SRRT: variants seen among roughly 807,000 people sequenced by gnomAD.
SRRT encodes the protein serrate, RNA effector molecule, also known as serrate RNA effector molecule homolog.
A neutral mutation model predicts 103.2 loss-of-function variants in SRRT; 32 were observed. That is an observed-to-expected ratio of 0.31 (90% CI 0.23 to 0.42). SRRT has a LOEUF of 0.42. Among genes scored for constraint, SRRT ranks in the 10% least tolerant of loss-of-function variants. SRRT has a pLI of 1.00. For synonymous variants in SRRT, 525 were observed against 449.0 expected (o/e 1.17, Z -2.14); for missense variants, 986 against 1,207.5 (o/e 0.82, Z 2.72).
At chr7:100,879,128 G>T (rs558976142) in intron 2 of SRRT, among the ~76,000 whole-genome samples, 21 of 151,906 alleles carry the variant, frequency 1.4e-4, no homozygotes, top group Non-Finnish European at 3.1e-4. Flanking sequence ...GCTAATTTTT[G>T]TGTATTTAGC....
chr7:100,881,754 G>T lies in SRRT; in HGVS notation c.347G>T (p.Gly116Val). The T allele has an allele frequency of 6.2e-7, 1 of 1,613,794 alleles. No individual in the cohort carries two copies. The highest frequency in any genetic ancestry group is 1.1e-5 in the South Asian group (1 of 91,084). ...ACTTATGGCCCCCCTCAGCCCTGGG[G>T]CCACCCTGACGTCCACATCATGCAG... Reference protein sequence around the residue: ...GPTYGPPQPWGHPDVHIMQHH... With the variant: ...GPTYGPPQPWVHPDVHIMQHH... The change falls in exon 4 of 20, where the codon GGC (glycine) becomes GTC (valine). Residue 116 changes from glycine to valine, a missense_variant. Physicochemically the swap from Gly to Val is moderately radical, Grantham distance 109. Transcript: ENST00000611405.
chr7:100,886,377 C>T lies in SRRT; in HGVS notation c.1589C>T (p.Thr530Met), dbSNP rs1406168838. 11 of 1,613,812 alleles carry T rather than the reference C, an allele frequency of 6.8e-6. No homozygotes were observed. The highest frequency in any genetic ancestry group is 9.3e-6 in the Non-Finnish European group (11 of 1,180,024). The change falls in exon 13 of 20, where the codon ACG becomes ATG. Residue 530 changes from threonine (T) to methionine (M), a missense_variant. Transcript: ENST00000611405. ...DIKLAAKLIH[T>M]LDDRTQLWAS... The stretch of plus-strand genomic sequence containing the variant: ...AAGCTGGCGGCCAAGCTGATCCACA[C>T]GCTGGATGACAGGACACAGCTTTGG...
rs764983401 is a variant in SRRT, at chr7:100,885,325, C to T, written c.1272C>T (p.Phe424=). 1.9e-6 allele frequency: 3 copies of T among 1,614,046 alleles called. No homozygotes were observed. The highest frequency in any genetic ancestry group is 1.3e-5 in the African/African-American group (1 of 74,934). ...CGCTGCATAAGACCTGCTCCCTCTTCATGCGCAACATCGCGCCCAACATCT... is the reference window on the plus strand; with the variant it reads ...CGCTGCATAAGACCTGCTCCCTCTTTATGCGCAACATCGCGCCCAACATCT... ...PRPLHKTCSL[F]MRNIAPNISR... Residue 424 remains phenylalanine (F), a synonymous_variant, in exon 10 of 20, where the codon TTC becomes TTT. Coordinates refer to ENST00000611405, the MANE Select transcript of SRRT (RefSeq NM_015908.6). The surrounding 1 kb of genome is among the most constrained non-coding windows in gnomAD (Gnocchi z 4.8).
At position 100,884,889 on chromosome 7, in the gene SRRT, C is replaced by T. The variant is rs559484982; in HGVS notation, c.1042-34C>T. 2.7e-5 allele frequency: 44 copies of T among 1,613,802 alleles called. No individual in the cohort carries two copies. The East Asian group carries it at 3.8e-4, about 14-fold the overall frequency. On this transcript the variant is annotated intron_variant, in intron 8 of 19. Coordinates refer to ENST00000611405, the MANE Select transcript of SRRT (RefSeq NM_015908.6). Reference sequence around the variant, plus strand: ...GAGTGTTGGGGCTGGGGTTCTGGCACGCTGACTTGTCCCCTCTGCTGTGGC... The same window carrying T: ...GAGTGTTGGGGCTGGGGTTCTGGCATGCTGACTTGTCCCCTCTGCTGTGGC...
chr7:100,881,432 C>G lies in SRRT; in HGVS notation c.251+19C>G. 2 of 1,605,448 alleles carry G rather than the reference C, an allele frequency of 1.2e-6. No homozygotes were observed. Among genetic ancestry groups the G allele is most frequent in the South Asian group, 2.2e-5 (2 of 90,922 alleles). ...GAGACTGGTGAGATGGAGCGGTTTC[C>G]CTCTCCTCCCCTTTGCCTCAGTTCC... is the stretch of plus-strand genomic sequence containing the variant. On this transcript the variant is annotated intron_variant, in intron 3 of 19. Coordinates refer to ENST00000611405, the MANE Select transcript of SRRT (RefSeq NM_015908.6).
chr7:100,877,585 G>T (rs138006527), intron 2 of SRRT, among the ~76,000 whole-genome samples: 1 of 151,320 alleles, frequency 6.6e-6, no homozygotes, highest in African/African-American at 2.4e-5. Context: ...GCAGTGGGGC[G>T]ATCTCAGCTC....
At position 100,882,151 on chromosome 7, in the gene SRRT, C is replaced by T. The variant is rs1395459534; in HGVS notation, c.497C>T (p.Thr166Met). ...LLSLDDSVDE[T>M]EAVKRYNDYK... ...TCCCTGGATGACTCGGTGGATGAGACGGAGGCCGTCAAGCGCTATAATGAC... is the reference window on the plus strand; with the variant it reads ...TCCCTGGATGACTCGGTGGATGAGATGGAGGCCGTCAAGCGCTATAATGAC... Residue 166 changes from threonine (T) to methionine (M), a missense_variant, in exon 5 of 20, where the codon ACG becomes ATG. This residue lies in a region of SRRT where 274 missense variants were observed against 358.5 expected (regional missense o/e 0.76). Transcript: ENST00000611405. The surrounding 1 kb of genome is among the most constrained non-coding windows in gnomAD (Gnocchi z 4.2). 13 of 1,614,056 alleles carry T rather than the reference C, an allele frequency of 8.1e-6. No homozygotes were observed. Among genetic ancestry groups the T allele is most frequent in the South Asian group, 2.2e-5 (2 of 91,082 alleles).
intron 2 of SRRT, among the ~76,000 whole-genome samples, chr7:100,880,419 C>T (rs953215336): frequency 4.6e-5 from 7 of 152,176 alleles, no homozygotes; most frequent in Non-Finnish European, 8.8e-5. Context: ...TCTCCTGCCT[C>T]AGCCTCCCGA....
chr7:100,887,599 G>C lies in SRRT; in HGVS notation c.2169+86G>C. ...CCCCCTGGGCAGGGGTGGGGGAACT[G>C]CTTACTGCACTGGCAGGCGGGAGCT... On this transcript the variant is annotated intron_variant, in intron 16 of 19. Transcript: ENST00000611405. The surrounding 1 kb of genome is among the most constrained non-coding windows in gnomAD (Gnocchi z 4.1). 6.3e-7 allele frequency: 1 copy of C among 1,580,572 alleles called. No homozygotes were observed. The highest frequency in any genetic ancestry group is 8.6e-7 in the Non-Finnish European group (1 of 1,160,206).
At position 100,886,891 on chromosome 7, in the gene SRRT, G is replaced by C. The variant is rs756183894; in HGVS notation, c.1744G>C (p.Gly582Arg). 2 of 1,614,062 alleles carry C rather than the reference G, an allele frequency of 1.2e-6. No homozygotes were observed. Among genetic ancestry groups the C allele is most frequent in the Admixed American group, 3.3e-5 (2 of 60,004 alleles). The change falls in exon 14 of 20, where the codon GGC (glycine) becomes CGC (arginine). Residue 582 changes from glycine to arginine, a missense_variant. Gly to Arg is a moderately radical substitution (Grantham distance 125, BLOSUM62 -2). Transcript: ENST00000611405. ...GGAGGAGCTGCTGGGGAGCAGCGGG[G>C]GCGCTCCTCCTGAGGAGCCTCCTAA... The part of the protein sequence containing the change: ...EEEELLGSSG[G>R]APPEEPPKEG...
chr7:100,875,887 G>A (rs1209847115), intron 2 of SRRT, 175 bp downstream of exon 2: 3 of 730,426 alleles, frequency 4.1e-6, no homozygotes, highest in Non-Finnish European at 4.4e-6. Context: ...GCTGTGGCTT[G>A]GTTTTTGAAA....
chr7:100,875,971 G>GTGCTTTTT (rs937199850), intron 2 of SRRT: 1 of 409,074 alleles, frequency 2.4e-6, no homozygotes, highest in Non-Finnish European at 4.6e-6. Context: ...CACGAAAAGC[G>GTGCTTTTT]TGCTTTTTTG....
rs1395854081 is a variant in SRRT at position 100,884,193 on chromosome 7, C to T, written c.711C>T (p.Leu237=). The T allele has an allele frequency of 3.1e-6, 5 of 1,614,002 alleles. No homozygotes were observed. Among genetic ancestry groups the T allele is most frequent in the Non-Finnish European group, 4.2e-6 (5 of 1,180,034 alleles). Residue 237 remains leucine, a synonymous_variant, in exon 6 of 20, where the codon CTC becomes CTT. Coordinates refer to ENST00000611405, the MANE Select transcript of SRRT (RefSeq NM_015908.6). ...AGACTGGCTGGTTTGATAACCTTCT[C>T]CTGGACATAGACAAAGCTGATGCCA... The part of the protein sequence containing the change: ...LMETGWFDNL[L]LDIDKADAIV...
intron 2 of SRRT, among the ~76,000 whole-genome samples, chr7:100,877,817 A>C (rs1299797282): frequency 6.6e-6 from 1 of 152,070 alleles, no homozygotes; most frequent in Non-Finnish European, 1.5e-5. Context: ...AGTTGTCTTG[A>C]GCAAGAGTAC....
chr7:100,881,162 G>A (rs535668041), intron 2 of SRRT, 123 bp from the exon 3 acceptor site: 1 of 1,002,528 alleles, frequency 1.0e-6, no homozygotes, highest in Non-Finnish European at 1.5e-6. Context: ...TCTCACTATT[G>A]CCCAGGTTGG....
chr7:100,886,011 C>T, intron 12 of SRRT, 70 bp downstream of exon 12: 2 of 1,531,028 alleles, frequency 1.3e-6, no homozygotes, highest in Non-Finnish European at 1.8e-6. Context: ...CTCTGTGTGA[C>T]TTTGTTCATC....
chr7:100,880,922 G>T (rs916692313), intron 2 of SRRT, among the ~76,000 whole-genome samples: 2 of 152,128 alleles, frequency 1.3e-5, no homozygotes, highest in African/African-American at 4.8e-5. Flanking sequence ...TTTTGAGACA[G>T]GGTCTCTGTT....
intron 2 of SRRT, among the ~76,000 whole-genome samples, chr7:100,877,247 CCT>C (rs1184294535): frequency 1.3e-5 from 2 of 151,012 alleles, no homozygotes; most frequent in African/African-American, 4.9e-5. Flanking sequence ...ATTGTGAAAC[CCT>C]GTCTCTACTA....
rs776704578 is a variant in SRRT at position 100,887,523 on chromosome 7, G to A, written c.2169+10G>A. On this transcript the variant is annotated intron_variant, in intron 16 of 19. Coordinates refer to ENST00000611405, the MANE Select transcript of SRRT (RefSeq NM_015908.6). The surrounding 1 kb of genome is among the most constrained non-coding windows in gnomAD (Gnocchi z 4.1). The stretch of plus-strand genomic sequence containing the variant: ...TGGCAAGAAATTCAAGGTGTGGGAT[G>A]TTGGAGAATGGCCGTGCTACGGTGG... 3 of 1,612,886 alleles carry A rather than the reference G, an allele frequency of 1.9e-6. No individual in the cohort carries two copies. The highest frequency in any genetic ancestry group is 2.2e-5 in the East Asian group (1 of 44,864).
Sources: gnomAD v4.1 joint callset for allele counts (sites outside exome capture counted in the v4.1 genomes callset) on GRCh38, gnomAD v4.1.1 for gene constraint, gnomAD v4.1.1 regional missense constraint, Gnocchi (gnomAD v3.1) non-coding constraint, MANE v1.5 for transcripts, NCBI Gene and HGNC (gene_info 2026-07-23, HGNC 2026-07-21) for gene names.